The following INTS6L variants were observed in gnomAD, a reference collection of about 807,000 sequenced individuals.
The protein encoded by INTS6L is integrator complex subunit 6 like, also known as integrator complex subunit 6-like.
A neutral mutation model predicts 64.7 loss-of-function variants in INTS6L; 18 were observed. The observed-to-expected ratio is 0.28, with a 90% CI of 0.19 to 0.41. The LOEUF (loss-of-function observed/expected upper bound fraction) is 0.41, where lower values mean the gene tolerates loss of function less well. Ranked by LOEUF, INTS6L falls within the 10% of genes least tolerant of loss-of-function variation. The pLI is 1.00. For synonymous variants in INTS6L, 227 were observed against 235.9 expected (o/e 0.96, Z 0.34); for missense variants, 533 against 661.0 (o/e 0.81, Z 2.12).
At chrX:135,529,158 T>C (rs1040943811) in intron 2 of INTS6L, among the ~76,000 whole-genome samples, 18 of 112,250 alleles carry the variant, frequency 1.6e-4, no homozygotes, top group African/African-American at 5.2e-4. Flanking sequence ...CCAGTAGTGC[T>C]AAATGTTTCA....
chrX:135,557,156 G>A (rs1344625178), intron 9 of INTS6L, among the ~76,000 whole-genome samples: 1 of 111,615 alleles, frequency 9.0e-6, no homozygotes, highest in African/African-American at 3.3e-5. Context: ...TGCAACCTAA[G>A]AGGGATGTTC....
chrX:135,534,109 T>C (rs1232866387), intron 2 of INTS6L, among the ~76,000 whole-genome samples: 1 of 110,729 alleles, frequency 9.0e-6, no homozygotes, highest in Non-Finnish European at 1.9e-5. Context: ...CTTTGAGAAG[T>C]GTGCTGCTTC....
In INTS6L at chrX:135,579,900, T is replaced by G. The variant is rs781792798; in HGVS notation, c.2232T>G (p.Asp744Glu). 8.3e-7 allele frequency: 1 copy of G among 1,211,713 alleles called. No homozygotes were observed. The highest frequency in any genetic ancestry group is 3.0e-5 in the East Asian group (1 of 33,833). ...APSELINMTGDLMPPNQVDSL... is the reference protein window; with the variant it reads ...APSELINMTGELMPPNQVDSL... ...CAGAGCTTATAAATATGACAGGAGA[T>G]CTTATGCCACCCAACCAAGTGGATT... Residue 744 changes from aspartate to glutamate, a missense_variant, in exon 16 of 18, where the codon GAT becomes GAG. Coordinates refer to ENST00000639893, the MANE Select transcript of INTS6L (RefSeq NM_001351601.3).
chrX:135,527,796 GTTGC>G (rs782632226), intron 2 of INTS6L, among the ~76,000 whole-genome samples: 1 of 111,379 alleles, frequency 9.0e-6, no homozygotes, highest in Non-Finnish European at 1.9e-5. Context: ...GCCTAGTTTT[GTTGC>G]TTGCTGCTTG....
chrX:135,545,641 A>G, intron 3 of INTS6L, 69 bp downstream of exon 3: 1 of 1,041,462 alleles, frequency 9.6e-7, no homozygotes, highest in Admixed American at 3.1e-5. Flanking sequence ...AAAATTGGGC[A>G]TGATTACTAA....
In INTS6L at chrX:135,573,017, T is replaced by C; in HGVS notation, c.1601T>C (p.Ile534Thr). The change falls in exon 12 of 18, where the codon ATT becomes ACT. Residue 534 changes from isoleucine to threonine, a missense_variant. Ile to Thr is a moderately conservative substitution (Grantham distance 89, BLOSUM62 -1). Transcript: ENST00000639893. Reference sequence around the variant, plus strand: ...ACCAAAGAATTTGCTGGCTTCCAAATTGGGCTCTTAAACAAGGTAAATTGT... The same window carrying C: ...ACCAAAGAATTTGCTGGCTTCCAAACTGGGCTCTTAAACAAGGTAAATTGT... Reference protein sequence around the residue: ...LNTKEFAGFQIGLLNKDLKPQ... With the variant: ...LNTKEFAGFQTGLLNKDLKPQ... The C allele has an allele frequency of 1.7e-6, 2 of 1,207,412 alleles. No homozygotes were observed. Among genetic ancestry groups the C allele is most frequent in the East Asian group, 3.0e-5 (1 of 33,825 alleles).
At chrX:135,521,411 G>C in intron 2 of INTS6L, 93 bp downstream of exon 2, 4 of 945,068 alleles carry the variant, frequency 4.2e-6, no homozygotes, top group Non-Finnish European at 5.7e-6. Flanking sequence ...GCGGTCCTGC[G>C]TCGCCCGGCG....
In INTS6L at chrX:135,565,426, T is replaced by A. The variant is rs782659971; in HGVS notation, c.1193-3911T>A. Among the ~76,000 whole-genome samples, 3 of 111,900 alleles carry A rather than the reference T, an allele frequency of 2.7e-5. No homozygotes were observed. In the South Asian group the frequency reaches 1.1e-3, roughly 42 times the overall value. On this transcript the variant is annotated intron_variant, in intron 9 of 17. Coordinates refer to ENST00000639893, the MANE Select transcript of INTS6L (RefSeq NM_001351601.3). ...CTTCTGTGCTTAAGTTGCCATGTGG[T>A]GCCCTTCCCCAAACTCCTCAGCACT...
In INTS6L at chrX:135,582,468, T is replaced by A. The variant is rs1235286604; in HGVS notation, c.*832T>A. ...AAAGTGTACAAAGAGATTTTGATTTTGCATATATAAAATAAATCATTTTAT... is the reference window on the plus strand; with the variant it reads ...AAAGTGTACAAAGAGATTTTGATTTAGCATATATAAAATAAATCATTTTAT... On this transcript the variant is annotated 3_prime_UTR_variant, in exon 18 of 18. Coordinates refer to ENST00000639893, the MANE Select transcript of INTS6L (RefSeq NM_001351601.3). The A allele has an allele frequency of 1.8e-5, 2 of 112,711 alleles. No individual in the cohort carries two copies. The highest frequency in any genetic ancestry group is 3.7e-5 in the Non-Finnish European group (2 of 53,401). 9.3% of individuals were successfully genotyped at this position (112,711 alleles called of 1,213,427 possible).
intron 9 of INTS6L, among the ~76,000 whole-genome samples, chrX:135,561,883 A>T (rs2086798510): frequency 9.0e-6 from 1 of 111,392 alleles, no homozygotes; most frequent in Non-Finnish European, 1.9e-5. Flanking sequence ...GATATCACCT[A>T]TATTATTCCT....
At chrX:135,541,016 A>G (rs1010613033) in intron 2 of INTS6L, among the ~76,000 whole-genome samples, 7 of 111,844 alleles carry the variant, frequency 6.3e-5, no homozygotes, top group South Asian at 7.4e-4. Context: ...TCCTGAGCTC[A>G]AGCAATGTGC....
At chrX:135,535,486 G>A (rs987540002) in intron 2 of INTS6L, among the ~76,000 whole-genome samples, 1 of 111,957 alleles carries the variant, frequency 8.9e-6, no homozygotes, top group East Asian at 2.8e-4. Context: ...TTGTCTCCTC[G>A]GGAGACAGAG....
Position 135,546,450 on chromosome X carries a change from C to G in INTS6L, c.410C>G (p.Thr137Ser). The change falls in exon 4 of 18, where the codon ACT (threonine) becomes AGT (serine). Residue 137 changes from threonine (T) to serine (S), a missense_variant. Physicochemically the swap from Thr to Ser is moderately conservative, Grantham distance 58. Coordinates refer to ENST00000639893, the MANE Select transcript of INTS6L (RefSeq NM_001351601.3). ...ACAGATGGAAACAAGTTAACAAGTACTGCTGGTGTTCAAGAAGAGGTGAGA... is the reference window on the plus strand; with the variant it reads ...ACAGATGGAAACAAGTTAACAAGTAGTGCTGGTGTTCAAGAAGAGGTGAGA... ...TITDGNKLTS[T>S]AGVQEELHLP... 1 of 1,170,120 alleles carries G rather than the reference C, an allele frequency of 8.5e-7. No individual in the cohort carries two copies.
At chrX:135,526,628 T>C (rs945179368) in intron 2 of INTS6L, among the ~76,000 whole-genome samples, 6 of 112,144 alleles carry the variant, frequency 5.4e-5, no homozygotes, top group African/African-American at 1.9e-4. Flanking sequence ...TCCTTTAACA[T>C]GTTGTCCACA....
chrX:135,532,222 A>G (rs1418602260), intron 2 of INTS6L, among the ~76,000 whole-genome samples: 1 of 112,224 alleles, frequency 8.9e-6, no homozygotes, highest in Non-Finnish European at 1.9e-5. Context: ...TCCAGGGAGA[A>G]TATCTAGCCT....
At chrX:135,556,421 G>T in intron 9 of INTS6L, 121 bp downstream of exon 9, 1 of 656,546 alleles carries the variant, frequency 1.5e-6, no homozygotes. Context: ...GATAGAATTT[G>T]CATACTGTTT....
At chrX:135,557,831 A>G (rs1235368350) in intron 9 of INTS6L, among the ~76,000 whole-genome samples, 2 of 112,339 alleles carry the variant, frequency 1.8e-5, no homozygotes, top group Non-Finnish European at 3.8e-5. Flanking sequence ...ATCAAGGGAG[A>G]CGATTAACAG....
chrX:135,533,728 T>C (rs1330114312), intron 2 of INTS6L, among the ~76,000 whole-genome samples: 1 of 112,107 alleles, frequency 8.9e-6, no homozygotes, highest in Non-Finnish European at 1.9e-5. Flanking sequence ...CTGCAATGCT[T>C]AGGTGGCTTA....
chrX:135,574,256 T>TCAGCA (rs1165544246), intron 13 of INTS6L, among the ~76,000 whole-genome samples, 194 bp downstream of exon 13: 1 of 110,569 alleles, frequency 9.0e-6, no homozygotes, highest in Non-Finnish European at 1.9e-5. Context: ...TGTGCATTAA[T>TCAGCA]CAGCACGTAC....
Sources: allele counts gnomAD v4.1 joint callset (sites outside exome capture counted in the v4.1 genomes callset), GRCh38; gene constraint gnomAD v4.1.1; transcripts MANE v1.5; gene names NCBI Gene and HGNC (gene_info 2026-07-23, HGNC 2026-07-21).